SSRP1: variants seen among roughly 807,000 people sequenced by gnomAD.
SSRP1 encodes FACT complex subunit SSRP1.
Under a neutral mutation model 84.4 loss-of-function variants are expected in SSRP1, and 21 were observed. That is an observed-to-expected ratio of 0.25 (90% CI 0.18 to 0.36). The LOEUF (loss-of-function observed/expected upper bound fraction) is 0.36. Among genes scored for constraint, SSRP1 ranks in the 10% least tolerant of loss-of-function variants. The pLI is 1.00. For missense variants in SSRP1, 519 were observed against 900.8 expected (o/e 0.58, Z 5.43); for synonymous variants, 319 against 318.3 (o/e 1.00, Z -0.02).
Position 57,326,448 on chromosome 11 carries a change from G to A in SSRP1, c.2089C>T (p.Pro697Ser). ...GACGCTGAGTCCTCTGAGCTGGGGG[G>A]AGTACTGGCTAGTTCTTCTTCTTCA... ...DSEEEELASTPPSSEDSASGS... is the reference protein window; with the variant it reads ...DSEEEELASTSPSSEDSASGS... Residue 697 changes from proline (P) to serine (S), a missense_variant, in exon 17 of 17, where the codon CCC (proline) becomes TCC (serine). Pro to Ser is a moderately conservative substitution (Grantham distance 74). This residue lies in a region of SSRP1 where 197 missense variants were observed against 265.0 expected (regional missense o/e 0.74). Transcript: ENST00000278412. 1 of 1,614,144 alleles carries A rather than the reference G, an allele frequency of 6.2e-7. No homozygotes were observed. The highest frequency in any genetic ancestry group is 8.5e-7 in the Non-Finnish European group (1 of 1,180,024).
intron 12 of SSRP1, 84 bp from the exon 13 acceptor site, chr11:57,328,510 G>T: frequency 6.4e-7 from 1 of 1,564,734 alleles, no homozygotes; most frequent in Non-Finnish European, 8.6e-7. Flanking sequence ...CAAATCCAAA[G>T]ATACCCACCC....
intron 8 of SSRP1, 75 bp from the exon 9 acceptor site, chr11:57,331,964 C>T (rs907008866): frequency 2.0e-5 from 30 of 1,501,496 alleles, no homozygotes; most frequent in Middle Eastern, 2.3e-4. Context: ...AGCAGCGACA[C>T]GAGTGCTCAT....
chr11:57,333,321 G>A, intron 4 of SSRP1, 114 bp downstream of exon 4: 1 of 1,164,606 alleles, frequency 8.6e-7, no homozygotes, highest in South Asian at 1.4e-5. Context: ...TGATGAACAT[G>A]CAAATAGATA....
rs1054456676 is a variant in SSRP1 at position 57,335,186 on chromosome 11, G to A, written c.-65C>T. The A allele has an allele frequency of 4.4e-6, 7 of 1,584,368 alleles. No individual in the cohort carries two copies. The African/African-American group carries it at 9.4e-5, about 21-fold the overall frequency. On this transcript the variant is annotated 5_prime_UTR_variant, in exon 2 of 17. Coordinates refer to ENST00000278412, the MANE Select transcript of SSRP1 (RefSeq NM_003146.3). The surrounding 1 kb of genome is among the most constrained non-coding windows in gnomAD (Gnocchi z 4.6). ...CTGCACAAGGGAAACCAAGTAAACTGGGAGCTGGGCCCCAACTCCTGAGTG... is the reference window on the plus strand; with the variant it reads ...CTGCACAAGGGAAACCAAGTAAACTAGGAGCTGGGCCCCAACTCCTGAGTG...
rs769170471 is a variant in SSRP1 at position 57,326,827 on chromosome 11, C to T, written c.1934G>A (p.Arg645Lys). ...TGAGGACGACTTGGATGATGAGCCC[C>T]TAGAGGGCGTGGATTTCTTTTCCAT... ...VKMEKKSTPS[R>K]GSSSKSSSRQ... Residue 645 changes from arginine (R) to lysine (K), a missense_variant, in exon 16 of 17, where the codon AGG becomes AAG. Around this residue, in one of 7 missense-constraint regions of SSRP1, gnomAD observed 197 missense variants for 265.0 expected, o/e 0.74. Transcript: ENST00000278412. The T allele has an allele frequency of 7.4e-6, 12 of 1,614,198 alleles. No individual in the cohort carries two copies. The highest frequency in any genetic ancestry group is 1.0e-5 in the Non-Finnish European group (12 of 1,180,026).
Position 57,332,130 on chromosome 11 carries a change from G to A in SSRP1, c.1001+22C>T, listed in dbSNP as rs371967950. ...CATTTCCCATACCCAGGCAGGGCAG[G>A]ATCCCAGGCCCACACTCTCACCCTT... On this transcript the variant is annotated intron_variant, in intron 8 of 16. Coordinates refer to ENST00000278412, the MANE Select transcript of SSRP1 (RefSeq NM_003146.3). This position sits in a 1 kb window ranked among gnomAD's most constrained non-coding sequence, Gnocchi z 5.5. 1.1e-5 allele frequency: 17 copies of A among 1,612,906 alleles called. No homozygotes were observed. The highest frequency in any genetic ancestry group is 2.7e-5 in the African/African-American group (2 of 74,844).
At chr11:57,333,649 T>C in intron 3 of SSRP1, 109 bp from the exon 4 acceptor site, 1 of 780,030 alleles carries the variant, frequency 1.3e-6, no homozygotes, top group East Asian at 2.6e-5. Flanking sequence ...AAATAGGCTT[T>C]ATAAGAAATC....
intron 14 of SSRP1, 65 bp from the exon 15 acceptor site, chr11:57,327,579 G>A: frequency 6.2e-7 from 1 of 1,607,122 alleles, no homozygotes; most frequent in Admixed American, 1.7e-5. Context: ...CTCCCCTGAT[G>A]CAGGCAAAAT....
chr11:57,333,327 A>T, intron 4 of SSRP1, 108 bp downstream of exon 4: 1 of 1,181,920 alleles, frequency 8.5e-7, no homozygotes, highest in Non-Finnish European at 1.2e-6. Flanking sequence ...ACATGCAAAT[A>T]GATAGGAAAC....
In SSRP1 at chr11:57,326,329, G is replaced by A. The variant is rs1855978651; in HGVS notation, c.*78C>T. ...AGAATCCAGGGACTGCATTTCATGA[G>A]GAGAAACTGGTACCAAAATATGGGT... On this transcript the variant is annotated 3_prime_UTR_variant, in exon 17 of 17. Coordinates refer to ENST00000278412, the MANE Select transcript of SSRP1 (RefSeq NM_003146.3). 8 of 1,380,814 alleles carry A rather than the reference G, an allele frequency of 5.8e-6. No homozygotes were observed. The highest frequency in any genetic ancestry group is 1.7e-5 in the Admixed American group (1 of 59,464). The allele number at this position is 1,380,814 out of a possible 1,614,324, so 85.5% of individuals were successfully genotyped here. A position where few individuals can be genotyped will look rare whatever the true frequency, so the allele number is the denominator to read the frequency against.
chr11:57,328,202 T>A (rs1306342605), intron 13 of SSRP1, 95 bp downstream of exon 13: 22 of 1,531,368 alleles, frequency 1.4e-5, no homozygotes, highest in Non-Finnish European at 1.9e-5. Flanking sequence ...GAAGAACAGG[T>A]CCTACTGGTG....
chr11:57,328,414 G>C lies in SSRP1; in HGVS notation c.1494C>G (p.Asn498Lys), dbSNP rs768189674. The change falls in exon 13 of 17, where the codon AAC (asparagine) becomes AAG (lysine). Residue 498 changes from asparagine (N) to lysine (K), a missense_variant. Physicochemically the swap from Asn to Lys is moderately conservative, Grantham distance 94. Coordinates refer to ENST00000278412, the MANE Select transcript of SSRP1 (RefSeq NM_003146.3). ...CATTACTGGAGGAGCTGGCAGAGGC[G>C]TTGCTGTCAAACCTGCCAGAGAACA... ...EEDVAEEFDS[N>K]ASASSSSNEG... 32 of 1,613,966 alleles carry C rather than the reference G, an allele frequency of 2.0e-5. No individual in the cohort carries two copies. Among genetic ancestry groups the C allele is most frequent in the Non-Finnish European group, 2.4e-5 (28 of 1,180,014 alleles).
Position 57,332,053 on chromosome 11 carries a change from C to T in SSRP1, c.1001+99G>A. ...ATTGTGACACAAGGTCCCATCCAGGCCTCTAGGAGGCCGCATTCCCATCTC... is the reference window on the plus strand; with the variant it reads ...ATTGTGACACAAGGTCCCATCCAGGTCTCTAGGAGGCCGCATTCCCATCTC... On this transcript the variant is annotated intron_variant, in intron 8 of 16. Coordinates refer to ENST00000278412, the MANE Select transcript of SSRP1 (RefSeq NM_003146.3). This position sits in a 1 kb window ranked among gnomAD's most constrained non-coding sequence, Gnocchi z 5.5. The T allele has an allele frequency of 1.3e-6, 2 of 1,583,796 alleles. No individual in the cohort carries two copies. The highest frequency in any genetic ancestry group is 2.2e-5 in the East Asian group (1 of 44,698).
chr11:57,334,511 C>G lies in SSRP1; in HGVS notation c.192G>C (p.Leu64=), dbSNP rs1389101482. 3.1e-6 allele frequency: 5 copies of G among 1,614,114 alleles called. No homozygotes were observed. Among genetic ancestry groups the G allele is most frequent in the Non-Finnish European group, 4.2e-6 (5 of 1,180,050 alleles). ...RRVALGHGLK[L]LTKNGHVYKY... Reference sequence around the variant, plus strand: ...TGTAGACATGGCCATTCTTTGTAAGCAGTTTAAGTCCATGGCCCAGAGCAA... The same window carrying G: ...TGTAGACATGGCCATTCTTTGTAAGGAGTTTAAGTCCATGGCCCAGAGCAA... Residue 64 remains leucine, a synonymous_variant, in exon 3 of 17, where the codon CTG becomes CTC. Transcript: ENST00000278412.
Position 57,330,693 on chromosome 11 carries a change from G to A in SSRP1, c.1296+162C>T. On this transcript the variant is annotated intron_variant, in intron 10 of 16. Coordinates refer to ENST00000278412, the MANE Select transcript of SSRP1 (RefSeq NM_003146.3). The surrounding 1 kb of genome is among the most constrained non-coding windows in gnomAD (Gnocchi z 4.0). ...GCATAGACTGGTCTAAGGTCATGCA[G>A]AGGAAACCTGCACCAGGAGGGGGAA... is the stretch of plus-strand genomic sequence containing the variant. The A allele has an allele frequency of 1.4e-6, 2 of 1,480,636 alleles. No individual in the cohort carries two copies. Among genetic ancestry groups the A allele is most frequent in the Non-Finnish European group, 1.8e-6 (2 of 1,119,406 alleles). 91.7% of individuals were successfully genotyped at this position (1,480,636 alleles called of 1,614,324 possible). A position where few individuals can be genotyped will look rare whatever the true frequency, so the allele number is the denominator to read the frequency against.
intron 13 of SSRP1, 143 bp downstream of exon 13, chr11:57,328,154 C>T: frequency 7.4e-7 from 1 of 1,350,666 alleles, no homozygotes; most frequent in Non-Finnish European, 1.0e-6. Context: ...AGATAACCCT[C>T]AAGGCTATAA....
In SSRP1 at chr11:57,335,250, A is replaced by G; in HGVS notation, c.-119-10T>C. 1.1e-6 allele frequency: 1 copy of G among 899,792 alleles called. No homozygotes were observed. The highest frequency in any genetic ancestry group is 1.8e-6 in the Non-Finnish European group (1 of 544,296). 55.7% of individuals were successfully genotyped at this position (899,792 alleles called of 1,614,324 possible). On this transcript the variant is annotated splice_polypyrimidine_tract_variant and intron_variant, in intron 1 of 16. Transcript: ENST00000278412. The surrounding 1 kb of genome is among the most constrained non-coding windows in gnomAD (Gnocchi z 4.6). ...TCAGCAGGTTGGGAATCTGAATTCA[A>G]GAGGAAGACAGATAAGCATGAAAGA... is the stretch of plus-strand genomic sequence containing the variant.
At position 57,331,778 on chromosome 11, in the gene SSRP1, G is replaced by A. The variant is rs763084886; in HGVS notation, c.1113C>T (p.Phe371=). Residue 371 remains phenylalanine (F), a synonymous_variant, in exon 9 of 17, where the codon TTC becomes TTT. Coordinates refer to ENST00000278412, the MANE Select transcript of SSRP1 (RefSeq NM_003146.3). Reference sequence around the variant, plus strand: ...CAAAGTTGACAAAGGAGATCTCATCGAAGCGGATGTGCACAGGTGGCTTGT... The same window carrying A: ...CAAAGTTGACAAAGGAGATCTCATCAAAGCGGATGTGCACAGGTGGCTTGT... ...YVHKPPVHIR[F]DEISFVNFAR... 74 of 1,614,066 alleles carry A rather than the reference G, an allele frequency of 4.6e-5. No homozygotes were observed. The highest frequency in any genetic ancestry group is 1.6e-4 in the Middle Eastern group (1 of 6,084).
intron 15 of SSRP1, 156 bp downstream of exon 15, chr11:57,327,270 C>T: frequency 1.3e-6 from 1 of 786,340 alleles, no homozygotes; most frequent in Non-Finnish European, 2.1e-6. Flanking sequence ...GTCACCCATA[C>T]TTGGGCAATG....
Sources: gnomAD v4.1 joint callset for allele counts on GRCh38, gnomAD v4.1.1 for gene constraint, gnomAD v4.1.1 regional missense constraint, Gnocchi (gnomAD v3.1) non-coding constraint, MANE v1.5 for transcripts, NCBI Gene and HGNC (gene_info 2026-07-23, HGNC 2026-07-21) for gene names.